The following GYS1 variants were observed in gnomAD, a reference collection of about 807,000 sequenced individuals.
The protein encoded by GYS1 is glycogen synthase 1.
Under a neutral mutation model 89.1 loss-of-function variants are expected in GYS1, and 60 were observed. That is an observed-to-expected ratio of 0.67 (90% CI 0.55 to 0.84). The LOEUF (loss-of-function observed/expected upper bound fraction) is 0.84. Ranked by LOEUF, GYS1 falls within the 40% of genes least tolerant of loss-of-function variation. The pLI is 0.00. For synonymous variants in GYS1, 366 were observed against 401.7 expected (o/e 0.91, Z 1.06); for missense variants, 888 against 1,003.1 (o/e 0.89, Z 1.55).
intron 5 of GYS1, 40 bp downstream of exon 5, chr19:48,985,421 C>G: frequency 6.2e-7 from 1 of 1,606,328 alleles, no homozygotes; most frequent in Non-Finnish European, 8.5e-7. Context: ...AGACAGCTGC[C>G]TACCTCATTC....
chr19:48,972,796 G>C (rs2122469936), intron 12 of GYS1, among the ~76,000 whole-genome samples: 1 of 152,196 alleles, frequency 6.6e-6, no homozygotes. Flanking sequence ...TAATTCTTAT[G>C]TAAGTTTTCC....
chr19:48,974,036 C>T (rs1338608035), intron 12 of GYS1, among the ~76,000 whole-genome samples, 177 bp downstream of exon 12: 1 of 152,228 alleles, frequency 6.6e-6, no homozygotes, highest in African/African-American at 2.4e-5. Context: ...CTTCTAGTTT[C>T]TCAATACATG....
intron 14 of GYS1, chr19:48,970,244 C>T (rs2038539647): frequency 4.3e-6 from 2 of 466,770 alleles, no homozygotes; most frequent in Non-Finnish European, 7.8e-6. Context: ...ACCACCTCAG[C>T]CTCCCCAGTA....
intron 5 of GYS1, among the ~76,000 whole-genome samples, chr19:48,984,673 T>C (rs958067234): frequency 4.6e-5 from 7 of 152,120 alleles, no homozygotes; most frequent in South Asian, 2.1e-4. Flanking sequence ...GGATTACAGG[T>C]GTGAGCCACT....
At chr19:48,989,653 G>A (rs1354270676) in intron 2 of GYS1, among the ~76,000 whole-genome samples, 2 of 151,988 alleles carry the variant, frequency 1.3e-5, no homozygotes, top group Non-Finnish European at 2.9e-5. Context: ...AGGAACTCCT[G>A]GGCTCAAGCT....
rs1397846143 is a variant in GYS1, at chr19:48,968,720, G to A, written c.*568C>T. ...GGCAGAGCCTGGCTCTGACATGCCA[G>A]GGAGGGCTAGAACATCCCTCCCAGA... is the stretch of plus-strand genomic sequence containing the variant. On this transcript the variant is annotated 3_prime_UTR_variant, in exon 16 of 16. Transcript: ENST00000323798. The A allele has an allele frequency of 4.4e-6, 2 of 454,016 alleles. No individual in the cohort carries two copies. The highest frequency in any genetic ancestry group is 2.3e-5 in the Admixed American group (1 of 42,560). The allele number at this position is 454,016 out of a possible 1,614,324, so 28.1% of individuals were successfully genotyped here.
intron 5 of GYS1, 130 bp downstream of exon 5, chr19:48,985,331 C>T: frequency 1.1e-6 from 1 of 924,048 alleles, no homozygotes; most frequent in Non-Finnish European, 1.7e-6. Context: ...GCCACCATGC[C>T]CAGCCGAAAT....
In GYS1 at chr19:48,982,318, C is replaced by A. The variant is rs755911087; in HGVS notation, c.999G>T (p.Glu333Asp). ...AGACGTCAGCACCCTTGTTGGAGAACTCATAGCGGCCGGCGATAAAGAAGT... is the reference window on the plus strand; with the variant it reads ...AGACGTCAGCACCCTTGTTGGAGAAATCATAGCGGCCGGCGATAAAGAAGT... ...TLYFFIAGRY[E>D]FSNKGADVFL... is the part of the protein sequence containing the mutation. Residue 333 changes from glutamate to aspartate, a missense_variant, in exon 7 of 16, where the codon GAG becomes GAT. Coordinates refer to ENST00000323798, the MANE Select transcript of GYS1 (RefSeq NM_002103.5). 6.2e-7 allele frequency: 1 copy of A among 1,613,890 alleles called. No homozygotes were observed. Among genetic ancestry groups the A allele is most frequent in the Non-Finnish European group, 8.5e-7 (1 of 1,179,868 alleles).
chr19:48,976,610 C>T (rs2038656540), intron 10 of GYS1, among the ~76,000 whole-genome samples: 1 of 152,136 alleles, frequency 6.6e-6, no homozygotes, highest in African/African-American at 2.4e-5. Flanking sequence ...TGCTTTTGCT[C>T]ACCTCCTGAC....
intron 5 of GYS1, among the ~76,000 whole-genome samples, chr19:48,984,882 A>AAAAT (rs1007567479): frequency 4.0e-5 from 6 of 151,750 alleles, no homozygotes; most frequent in African/African-American, 1.5e-4. Flanking sequence ...CTCCGTCTCA[A>AAAAT]AAATAAATAA....
At chr19:48,977,728 A>G (rs1419597827) in intron 10 of GYS1, among the ~76,000 whole-genome samples, 196 bp downstream of exon 10, 1 of 152,132 alleles carries the variant, frequency 6.6e-6, no homozygotes, top group East Asian at 1.9e-4. Flanking sequence ...AGCCCACCCT[A>G]AGTGCCTCGC....
At position 48,985,945 on chromosome 19, in the gene GYS1, G is replaced by A. The variant is rs756802243; in HGVS notation, c.583C>T (p.Arg195Ter). 7.4e-6 allele frequency: 12 copies of A among 1,614,136 alleles called. No homozygotes were observed. The highest frequency in any genetic ancestry group is 2.2e-5 in the South Asian group (2 of 91,082). The change falls in exon 4 of 16, where the codon CGA becomes TGA. Residue 195 changes from arginine to a stop codon, truncating the protein, a stop_gained. Transcript: ENST00000323798. LOFTEE classifies it high-confidence loss of function. ...GVGLCLCRAR[R>*]LPVATIFTTH... is the part of the protein sequence containing the mutation. The stretch of plus-strand genomic sequence containing the variant: ...GTGAAGATGGTTGCTACAGGCAGTC[G>A]CCGGGCACGACACAGGCAGAGTCCA...
At chr19:48,990,388 A>T (rs914050119) in intron 2 of GYS1, among the ~76,000 whole-genome samples, 1 of 151,894 alleles carries the variant, frequency 6.6e-6, no homozygotes, top group African/African-American at 2.4e-5. Context: ...CTCTTCCCCG[A>T]TATTCCATGC....
chr19:48,982,156 G>A, intron 7 of GYS1, 99 bp downstream of exon 7: 1 of 1,284,688 alleles, frequency 7.8e-7, no homozygotes. Flanking sequence ...GCCTCCAAAA[G>A]TGTTGGGATT....
Position 48,985,610 on chromosome 19 carries a change from GT to G in GYS1, c.679-6del, listed in dbSNP as rs1394890149. 6.2e-7 allele frequency: 1 copy of G among 1,614,056 alleles called. No homozygotes were observed. Among genetic ancestry groups the G allele is most frequent in the East Asian group, 2.2e-5 (1 of 44,888 alleles). On this transcript the variant is annotated splice_region_variant and splice_polypyrimidine_tract_variant and intron_variant, in intron 4 of 15. Transcript: ENST00000323798. ...TGCTTCCTTGTCCACGTTGAACTGGGTGGGAGGGGACAGCAGTCCGGTTAGA... is the reference window on the plus strand; with the variant it reads ...TGCTTCCTTGTCCACGTTGAACTGGGGGGAGGGGACAGCAGTCCGGTTAGA...
intron 5 of GYS1, among the ~76,000 whole-genome samples, chr19:48,983,386 C>G (rs1189819877): frequency 6.6e-6 from 1 of 152,008 alleles, no homozygotes; most frequent in African/African-American, 2.4e-5. Context: ...GTCTCCTCAG[C>G]TACTGCAAAT....
At chr19:48,969,909 A>ATCATCTGCCTGGGGGTG in intron 14 of GYS1, 54 bp from the exon 15 acceptor site, 3 of 1,269,430 alleles carry the variant, frequency 2.4e-6, no homozygotes, top group Non-Finnish European at 3.5e-6. Context: ...CCCCACCCCC[A>ATCATCTGCCTGGGGGTG]GGCAGATGAT....
intron 6 of GYS1, 41 bp downstream of exon 6, chr19:48,982,679 A>G (rs1396305067): frequency 1.5e-6 from 2 of 1,375,786 alleles, no homozygotes; most frequent in Non-Finnish European, 2.1e-6. Context: ...TAGGCTCCCA[A>G]CGCCCTCCTC....
In GYS1 at chr19:48,968,434, T is replaced by C. The variant is rs958488727; in HGVS notation, c.*854A>G. On this transcript the variant is annotated 3_prime_UTR_variant, in exon 16 of 16. Coordinates refer to ENST00000323798, the MANE Select transcript of GYS1 (RefSeq NM_002103.5). ...GACCTAGAACCTAGTGGTTTCACAG[T>C]GGGCAGAGCAGTTGGGAATAAGCCA... 4.4e-6 allele frequency: 2 copies of C among 454,380 alleles called. No homozygotes were observed. The highest frequency in any genetic ancestry group is 4.0e-5 in the African/African-American group (2 of 49,976). 28.1% of individuals were successfully genotyped at this position (454,380 alleles called of 1,614,324 possible).
Sources: allele counts gnomAD v4.1 joint callset (sites outside exome capture counted in the v4.1 genomes callset), GRCh38; gene constraint gnomAD v4.1.1; transcripts MANE v1.5; gene names NCBI Gene and HGNC (gene_info 2026-07-23, HGNC 2026-07-21).